The following FRMD8 variants were observed in gnomAD, a reference collection of about 807,000 sequenced individuals.
FRMD8 encodes the protein FERM domain containing 8.
Under a neutral mutation model 54.2 loss-of-function variants are expected in FRMD8, and 37 were observed. The ratio of observed to expected loss-of-function variants is 0.68; its 90% CI spans 0.53 to 0.90. The LOEUF is 0.90. FRMD8 is among the 40% of genes least tolerant of loss of function. The probability of loss-of-function intolerance (pLI) is 0.00; values close to 1 mark genes in which losing one functional copy is unlikely to be tolerated. For missense variants in FRMD8, 585 were observed against 653.7 expected, an observed-to-expected ratio of 0.89 and a Z score of 1.15; for synonymous variants, 246 against 286.9, an observed-to-expected ratio of 0.86 and a Z score of 1.44.
chr11:65,380,699 T>A, the FRMD8 span: 2 of 923,278 alleles, frequency 2.2e-6, no homozygotes, highest in East Asian at 6.2e-5. Flanking sequence ...GCCCACTGCC[T>A]AGCCCTGCCC....
chr11:65,370,567 G>T, the FRMD8 span, among the ~76,000 whole-genome samples: 2 of 151,994 alleles, frequency 1.3e-5, no homozygotes, highest in Non-Finnish European at 2.9e-5. Context: ...CGGGTGTGAT[G>T]GCGGGTGCCT....
At chr11:65,384,231 A>G (rs1362940837), upstream of FRMD8, among the ~76,000 whole-genome samples, 9 of 152,054 alleles carry the variant, frequency 5.9e-5, no homozygotes, top group Non-Finnish European at 7.4e-5. Context: ...CGCCTGCCCC[A>G]TATCTGTCAT....
chr11:65,370,125 G>A, the FRMD8 span, among the ~76,000 whole-genome samples: 1 of 151,604 alleles, frequency 6.6e-6, no homozygotes, highest in Non-Finnish European at 1.5e-5. Context: ...GGGAGGCTAA[G>A]GTGGGAGGAT....
the FRMD8 span, chr11:65,368,095 AG>A: frequency 1.3e-5 from 1 of 76,612 alleles, no homozygotes; most frequent in Non-Finnish European, 2.3e-5. Context: ...TTTTTTTTTG[AG>A]ACGGAGTCTC....
intron 6 of FRMD8, among the ~76,000 whole-genome samples, chr11:65,394,797 G>A (rs1855914706): frequency 6.6e-6 from 1 of 152,142 alleles, no homozygotes; most frequent in South Asian, 2.1e-4. Flanking sequence ...CCAGGCGGTC[G>A]GCAAGCTGGC....
In FRMD8 at chr11:65,400,677, A is replaced by T; in HGVS notation, c.928-47A>T. On this transcript the variant is annotated intron_variant, in intron 8 of 10. Transcript: ENST00000317568. The surrounding 1 kb of genome is among the most constrained non-coding windows in gnomAD (Gnocchi z 4.3). ...CTGAGTGGGATGGGGTGGGGAGCAG[A>T]CCTCTGCCCAGGGGTCAAGCCTGGC... 1 of 1,503,534 alleles carries T rather than the reference A, an allele frequency of 6.7e-7. No individual in the cohort carries two copies. The highest frequency in any genetic ancestry group is 8.9e-7 in the Non-Finnish European group (1 of 1,124,024). The allele number at this position is 1,503,534 out of a possible 1,614,324, so 93.1% of individuals were successfully genotyped here. A position where few individuals can be genotyped will look rare whatever the true frequency, so the allele number is the denominator to read the frequency against.
chr11:65,396,814 C>T lies in FRMD8; in HGVS notation c.597C>T (p.Ser199=), dbSNP rs372769195. 6.7e-5 allele frequency: 103 copies of T among 1,546,652 alleles called. No homozygotes were observed. The highest frequency in any genetic ancestry group is 8.6e-5 in the Non-Finnish European group (99 of 1,146,606). The part of the protein sequence containing the change: ...AACDLREKLD[S]FLPAHLCKRG... ...TCCTCCACAGGGAGAAGCTGGACTC[C>T]TTCCTCCCTGCCCACCTCTGTAAGC... Residue 199 remains serine, a synonymous_variant, in exon 7 of 11, where the codon TCC becomes TCT. Transcript: ENST00000317568.
At chr11:65,406,704 C>A (rs1856206256) in intron 10 of FRMD8, among the ~76,000 whole-genome samples, 1 of 151,852 alleles carries the variant, frequency 6.6e-6, no homozygotes, top group South Asian at 2.1e-4. Flanking sequence ...CATTGGGAGA[C>A]CAAGGCGGGT....
At chr11:65,379,457 G>T in the FRMD8 span, 1 of 1,614,074 alleles carries the variant, frequency 6.2e-7, no homozygotes, top group South Asian at 1.1e-5. Flanking sequence ...GGTGGGAGGT[G>T]GCCGTGAGCA....
At chr11:65,407,613 A>G (rs1457020950) in intron 10 of FRMD8, among the ~76,000 whole-genome samples, 2 of 150,870 alleles carry the variant, frequency 1.3e-5, no homozygotes, top group African/African-American at 2.4e-5. Context: ...AGAAATGGCC[A>G]GGCGTGGTGG....
intron 10 of FRMD8, among the ~76,000 whole-genome samples, chr11:65,405,770 C>T (rs1244361029): frequency 6.6e-6 from 1 of 152,112 alleles, no homozygotes; most frequent in African/African-American, 2.4e-5. Flanking sequence ...GAGACCAAGA[C>T]AAAGAGGATC....
chr11:65,376,128 C>CA, the FRMD8 span: 46 of 536,624 alleles, frequency 8.6e-5, 1 homozygote, highest in East Asian at 1.4e-3. Flanking sequence ...GGGATGTCAC[C>CA]AGCACCACTT....
At chr11:65,379,216 C>T in the FRMD8 span, 1 of 783,684 alleles carries the variant, frequency 1.3e-6, no homozygotes, top group Non-Finnish European at 2.0e-6. Flanking sequence ...CAGCCCTCCC[C>T]CAGAGGCCTG....
At chr11:65,399,300 C>T (rs939671679) in intron 7 of FRMD8, among the ~76,000 whole-genome samples, 3 of 152,108 alleles carry the variant, frequency 2.0e-5, no homozygotes, top group Non-Finnish European at 4.4e-5. Flanking sequence ...CGCCCAGCCT[C>T]TTCTCAGTTT....
intron 10 of FRMD8, among the ~76,000 whole-genome samples, chr11:65,408,464 G>A (rs1565615244): frequency 6.6e-6 from 1 of 151,588 alleles, no homozygotes; most frequent in Non-Finnish European, 1.5e-5. Context: ...GTTTTAGCAC[G>A]CTCATTTTGA....
In FRMD8 at chr11:65,394,074, T is replaced by C; in HGVS notation, c.389T>C (p.Phe130Ser). 6.2e-7 allele frequency: 1 copy of C among 1,614,114 alleles called. No individual in the cohort carries two copies. The highest frequency in any genetic ancestry group is 8.5e-7 in the Non-Finnish European group (1 of 1,179,984). ...EPFLQFRRNV[F>S]FPKRRELQIH... ...TTCCTGCAGTTCCGAAGGAACGTGTTCTTCCCAAAGCGGCGGGAGCTCCAG... is the reference window on the plus strand; with the variant it reads ...TTCCTGCAGTTCCGAAGGAACGTGTCCTTCCCAAAGCGGCGGGAGCTCCAG... Residue 130 changes from phenylalanine to serine, a missense_variant, in exon 5 of 11, where the codon TTC (phenylalanine) becomes TCC (serine). Coordinates refer to ENST00000317568, the MANE Select transcript of FRMD8 (RefSeq NM_031904.5).
chr11:65,389,347 G>A lies in FRMD8; in HGVS notation c.86-14G>A. 6.2e-7 allele frequency: 1 copy of A among 1,608,432 alleles called. No homozygotes were observed. Among genetic ancestry groups the A allele is most frequent in the Admixed American group, 1.7e-5 (1 of 60,024 alleles). On this transcript the variant is annotated splice_polypyrimidine_tract_variant and intron_variant, in intron 2 of 10. Coordinates refer to ENST00000317568, the MANE Select transcript of FRMD8 (RefSeq NM_031904.5). Reference sequence around the variant, plus strand: ...GCAGAGGCCTCAGCTGAGCCTGCCTGGTCTCCATCACAGCGGCTGACGTGC... The same window carrying A: ...GCAGAGGCCTCAGCTGAGCCTGCCTAGTCTCCATCACAGCGGCTGACGTGC...
chr11:65,393,068 G>A (rs532729948), intron 3 of FRMD8, among the ~76,000 whole-genome samples: 9 of 152,186 alleles, frequency 5.9e-5, no homozygotes, highest in Non-Finnish European at 1.3e-4. Flanking sequence ...TGTGGGCCAC[G>A]GAGGTGCAGA....
rs748429867 is a variant in FRMD8 at position 65,410,798 on chromosome 11, C to CA, written c.1277-435dup. Among the ~76,000 whole-genome samples, 69 of 150,478 alleles carry CA rather than the reference C, an allele frequency of 4.6e-4. 1 individual carries two copies. Among genetic ancestry groups the CA allele is most frequent in the African/African-American group, 1.1e-3 (47 of 41,008 alleles). The stretch of plus-strand genomic sequence containing the variant: ...GAGCGAGACTCCGTCTCAAAACAAA[C>CA]AAAAAAAAACAAACCCAAAAAAAAC... On this transcript the variant is annotated intron_variant, in intron 10 of 10. Coordinates refer to ENST00000317568, the MANE Select transcript of FRMD8 (RefSeq NM_031904.5).
Sources: gnomAD v4.1 joint callset for allele counts (sites outside exome capture counted in the v4.1 genomes callset) on GRCh38, gnomAD v4.1.1 for gene constraint, Gnocchi (gnomAD v3.1) non-coding constraint, MANE v1.5 for transcripts, NCBI Gene and HGNC (gene_info 2026-07-23, HGNC 2026-07-21) for gene names.